Variants in QTGAL observed in about 807,000 individuals in gnomAD.
QTGAL encodes BGnT-like protein 1.
chr17:82,964,590 C>A, the QTGAL span, among the ~76,000 whole-genome samples: 22 of 121,504 alleles, frequency 1.8e-4, no homozygotes, highest in Admixed American at 3.3e-4. Context: ...GTGCACCCCA[C>A]GGGGAGGACG....
the QTGAL span, among the ~76,000 whole-genome samples, chr17:82,955,126 G>A: frequency 2.0e-5 from 3 of 152,188 alleles, no homozygotes; most frequent in Admixed American, 2.0e-4. Flanking sequence ...TGACAAATGG[G>A]ATCTAATTAA....
the QTGAL span, chr17:82,946,881 G>A: frequency 6.4e-6 from 10 of 1,552,852 alleles, no homozygotes; most frequent in Non-Finnish European, 7.0e-6. Flanking sequence ...AGACCCACCT[G>A]GGAGCAGCTG....
chr17:83,041,500 A>C, the QTGAL span, among the ~76,000 whole-genome samples: 1 of 152,252 alleles, frequency 6.6e-6, no homozygotes, highest in Non-Finnish European at 1.5e-5. Context: ...CGACAAGAGA[A>C]AATCACTTGT....
At chr17:82,962,551 A>G in the QTGAL span, among the ~76,000 whole-genome samples, 3,098 of 64,490 alleles carry the variant, frequency 0.048, 7 homozygotes, top group Admixed American at 0.073. Context: ...ACGGACCCTC[A>G]CACGGGTGAT....
chr17:82,955,075 A>C, the QTGAL span, among the ~76,000 whole-genome samples: 2 of 152,246 alleles, frequency 1.3e-5, no homozygotes, highest in African/African-American at 2.4e-5. Flanking sequence ...CAAGGACTTC[A>C]TGACTAAAAC....
chr17:82,976,255 C>T, the QTGAL span, among the ~76,000 whole-genome samples: 3 of 95,972 alleles, frequency 3.1e-5, 1 homozygote, highest in Non-Finnish European at 6.0e-5. Context: ...GACCAGAGGC[C>T]ACTTATGGGG....
At chr17:82,970,645 C>CA in the QTGAL span, among the ~76,000 whole-genome samples, 353 of 68,390 alleles carry the variant, frequency 5.2e-3, 62 homozygotes, top group East Asian at 0.016. Flanking sequence ...CCTCCGCACC[C>CA]GGTGTGGCCG....
the QTGAL span, among the ~76,000 whole-genome samples, chr17:82,962,291 G>A: frequency 1.3e-5 from 2 of 152,212 alleles, no homozygotes; most frequent in Non-Finnish European, 2.9e-5. Flanking sequence ...TCTCCAGGGC[G>A]ATCCCTTTTA....
chr17:83,038,700 T>C, the QTGAL span, among the ~76,000 whole-genome samples: 1 of 151,944 alleles, frequency 6.6e-6, no homozygotes, highest in Non-Finnish European at 1.5e-5. Context: ...CTACTAAAAC[T>C]ACAAAAAAAT....
chr17:82,961,181 C>G, the QTGAL span: 1 of 1,606,136 alleles, frequency 6.2e-7, no homozygotes, highest in Non-Finnish European at 8.5e-7. Context: ...TCCGGGACGC[C>G]CTGCAGGGCG....
the QTGAL span, among the ~76,000 whole-genome samples, chr17:82,977,072 C>T: frequency 6.6e-5 from 10 of 152,278 alleles, no homozygotes; most frequent in Non-Finnish European, 1.0e-4. Flanking sequence ...GTGCCCACCT[C>T]GAAGGCCACG....
At chr17:83,026,989 C>A in the QTGAL span, among the ~76,000 whole-genome samples, 532 of 147,078 alleles carry the variant, frequency 3.6e-3, 2 homozygotes, top group African/African-American at 0.013. Flanking sequence ...ACAAACCCAC[C>A]CTCGACAGAC....
At chr17:83,051,644 G>A in the QTGAL span, 5 of 1,231,236 alleles carry the variant, frequency 4.1e-6, no homozygotes, top group Non-Finnish European at 5.3e-6. Flanking sequence ...GTGCGGGGCT[G>A]CGAACCCCGG....
chr17:82,953,666 A>T, the QTGAL span, among the ~76,000 whole-genome samples: 1 of 152,190 alleles, frequency 6.6e-6, no homozygotes, highest in African/African-American at 2.4e-5. Context: ...GGCCAGCATC[A>T]TCCTGATTCC....
At chr17:83,048,187 C>T in the QTGAL span, among the ~76,000 whole-genome samples, 1 of 152,090 alleles carries the variant, frequency 6.6e-6, no homozygotes, top group Non-Finnish European at 1.5e-5. Context: ...CCACTACGCC[C>T]GGCTAATTTT....
chr17:82,961,228 G>A, the QTGAL span: 87 of 1,582,482 alleles, frequency 5.5e-5, no homozygotes, highest in Middle Eastern at 7.8e-4. Context: ...CCAGAAACGC[G>A]TGCCTGCCCC....
chr17:82,967,669 A>G, the QTGAL span, among the ~76,000 whole-genome samples: 2 of 152,262 alleles, frequency 1.3e-5, no homozygotes, highest in Middle Eastern at 6.8e-3. Flanking sequence ...AAAATAAGGC[A>G]CAGTGACTCA....
chr17:82,957,587 G>A, the QTGAL span: 10 of 1,452,098 alleles, frequency 6.9e-6, no homozygotes, highest in Admixed American at 4.6e-5. Flanking sequence ...CTCAGCTCAC[G>A]TTGCCAGTGG....
the QTGAL span, among the ~76,000 whole-genome samples, chr17:83,042,320 T>C: frequency 6.6e-6 from 1 of 152,190 alleles, no homozygotes; most frequent in Non-Finnish European, 1.5e-5. Context: ...TGAACCAAGA[T>C]CACGCCACTG....
Sources: gnomAD v4.1 joint callset for allele counts (sites outside exome capture counted in the v4.1 genomes callset) on GRCh38, gnomAD v4.1.1 for gene constraint, MANE v1.5 for transcripts, NCBI Gene and HGNC (gene_info 2026-07-23, HGNC 2026-07-21) for gene names.